Variants in OR56A3 observed in about 807,000 individuals in gnomAD.
The protein encoded by OR56A3 is olfactory receptor family 56 subfamily A member 3, also known as olfactory receptor 56A3.
In OR56A3, 23 loss-of-function variants were observed where a neutral mutation model predicts 17.5. The ratio of observed to expected loss-of-function variants is 1.32; its 90% CI spans 0.95 to 1.87. The LOEUF (loss-of-function observed/expected upper bound fraction) is 1.87. OR56A3 is among the 40% of genes most tolerant of loss of function. The pLI, the probability that OR56A3 is intolerant of heterozygous loss-of-function variation, is 0.00. For missense variants in OR56A3, 366 were observed against 380.1 expected (o/e 0.96, Z 0.31); for synonymous variants, 175 against 150.6 (o/e 1.16, Z -1.19).
At chr11:5,979,038 C>A in the OR56A3 span, among the ~76,000 whole-genome samples, 1 of 151,098 alleles carries the variant, frequency 6.6e-6, no homozygotes. Flanking sequence ...TATGTTGAAC[C>A]AACTTTGCAT....
At chr11:5,972,451 C>T in the OR56A3 span, among the ~76,000 whole-genome samples, 1 of 152,172 alleles carries the variant, frequency 6.6e-6, no homozygotes, top group Admixed American at 6.5e-5. Context: ...GCTCCCCTCC[C>T]TTACCCCTGA....
the OR56A3 span, among the ~76,000 whole-genome samples, chr11:6,009,326 TTCTC>T: frequency 2.0e-5 from 3 of 152,146 alleles, no homozygotes; most frequent in African/African-American, 7.2e-5. Flanking sequence ...AATCCAGGGT[TTCTC>T]TCTCTCAGTT....
the OR56A3 span, among the ~76,000 whole-genome samples, chr11:6,018,038 GTGTA>G: frequency 0.16 from 24,554 of 148,854 alleles, 2,005 homozygotes; most frequent in Non-Finnish European, 0.19. Flanking sequence ...GTGTGTGTGT[GTGTA>G]TATATATATA....
At chr11:5,963,328 C>T in the OR56A3 span, among the ~76,000 whole-genome samples, 1 of 152,066 alleles carries the variant, frequency 6.6e-6, no homozygotes, top group African/African-American at 2.4e-5. Context: ...CTATAGCCTT[C>T]CTCTTAGAAC....
chr11:6,011,570 G>T, the OR56A3 span, among the ~76,000 whole-genome samples: 1 of 151,914 alleles, frequency 6.6e-6, no homozygotes, highest in Non-Finnish European at 1.5e-5. Flanking sequence ...GCAAATGACA[G>T]ATGATGGCAT....
chr11:5,957,268 G>C, the OR56A3 span, among the ~76,000 whole-genome samples: 2 of 152,144 alleles, frequency 1.3e-5, no homozygotes, highest in Non-Finnish European at 2.9e-5. Context: ...AAATATTTAG[G>C]AGTCTATCCT....
chr11:5,988,524 A>C, the OR56A3 span, among the ~76,000 whole-genome samples: 1 of 152,342 alleles, frequency 6.6e-6, no homozygotes, highest in South Asian at 2.1e-4. Context: ...TCAATCTTAC[A>C]GGTTTATTGT....
the OR56A3 span, among the ~76,000 whole-genome samples, chr11:5,961,227 C>T: frequency 2.0e-5 from 3 of 151,944 alleles, no homozygotes; most frequent in Admixed American, 1.3e-4. Context: ...CCCTCTTCCC[C>T]GGCCGCCACC....
intron 2 of OR56A3, among the ~76,000 whole-genome samples, chr11:5,946,227 C>A (rs1370630899): frequency 6.6e-6 from 1 of 152,250 alleles, no homozygotes; most frequent in African/African-American, 2.4e-5. Context: ...TCACACTCAA[C>A]TCTCCTCTGC....
the OR56A3 span, among the ~76,000 whole-genome samples, chr11:5,995,186 C>A: frequency 6.6e-6 from 1 of 152,206 alleles, no homozygotes; most frequent in Non-Finnish European, 1.5e-5. Flanking sequence ...AGTGAGAGAA[C>A]AGGACTCAGA....
At chr11:5,961,057 C>T in the OR56A3 span, among the ~76,000 whole-genome samples, 2 of 151,670 alleles carry the variant, frequency 1.3e-5, no homozygotes, top group Admixed American at 1.3e-4. Flanking sequence ...ATTGGGGAGC[C>T]CCTCCACCCG....
the OR56A3 span, among the ~76,000 whole-genome samples, chr11:5,962,461 G>T: frequency 1.6e-4 from 24 of 151,456 alleles, no homozygotes; most frequent in African/African-American, 5.8e-4. Context: ...AGCTTGAGAA[G>T]AATTGATGTT....
chr11:6,015,453 G>A, the OR56A3 span, among the ~76,000 whole-genome samples: 135 of 152,352 alleles, frequency 8.9e-4, no homozygotes, highest in African/African-American at 2.9e-3. Flanking sequence ...ACACTGCCTA[G>A]TGGAGCTGTA....
At chr11:5,962,728 T>C in the OR56A3 span, among the ~76,000 whole-genome samples, 3 of 152,100 alleles carry the variant, frequency 2.0e-5, no homozygotes, top group Admixed American at 2.0e-4. Context: ...TTAGTAGAGA[T>C]GGGGTTTCAC....
the OR56A3 span, among the ~76,000 whole-genome samples, chr11:5,987,662 A>T: frequency 6.6e-6 from 1 of 152,232 alleles, no homozygotes; most frequent in East Asian, 1.9e-4. Context: ...TACACAACCC[A>T]ATCTAAAAAC....
chr11:5,994,335 C>T, the OR56A3 span: 2 of 678,944 alleles, frequency 2.9e-6, no homozygotes. Context: ...CACTGTGGTG[C>T]TCTCCTCAAT....
At chr11:6,014,642 C>T in the OR56A3 span, among the ~76,000 whole-genome samples, 14 of 152,070 alleles carry the variant, frequency 9.2e-5, no homozygotes, top group East Asian at 1.9e-4. Context: ...ACTTTGGAAC[C>T]GGGTAATGGA....
chr11:5,944,188 C>T (rs949425980), intron 1 of OR56A3, among the ~76,000 whole-genome samples: 6 of 152,054 alleles, frequency 3.9e-5, no homozygotes, highest in African/African-American at 7.2e-5. Context: ...AGGAAAATGG[C>T]AAAAATATTA....
downstream of OR56A3, among the ~76,000 whole-genome samples, chr11:5,953,895 G>A (rs916705228): frequency 3.3e-5 from 5 of 152,030 alleles, no homozygotes; most frequent in East Asian, 1.9e-4. Context: ...GAGATGGGGG[G>A]GACTCATTGA....
Sources: gnomAD v4.1 joint callset for allele counts (sites outside exome capture counted in the v4.1 genomes callset) on GRCh38, gnomAD v4.1.1 for gene constraint, MANE v1.5 for transcripts, NCBI Gene and HGNC (gene_info 2026-07-23, HGNC 2026-07-21) for gene names.